GNAL: variants seen among roughly 807,000 people sequenced by gnomAD.
The protein encoded by GNAL is G protein subunit alpha L.
Under a neutral mutation model 55.1 loss-of-function variants are expected in GNAL, and 18 were observed. The observed-to-expected ratio is 0.33, with a 90% CI of 0.23 to 0.48. GNAL has a LOEUF of 0.48. Among genes scored for constraint, GNAL ranks in the 20% least tolerant of loss-of-function variants. The probability of loss-of-function intolerance (pLI) is 0.99; values close to 1 mark genes in which losing one functional copy is unlikely to be tolerated. For missense variants in GNAL, 412 were observed against 614.1 expected (o/e 0.67, Z 3.48); for synonymous variants, 253 against 237.0 (o/e 1.07, Z -0.62).
chr18:11,728,371 T>C (rs193167755), intron 1 of GNAL, among the ~76,000 whole-genome samples: 2 of 152,284 alleles, frequency 1.3e-5, no homozygotes, highest in Non-Finnish European at 2.9e-5. Context: ...GCAAAAGTTA[T>C]TTACTTTTGG....
rs1449197963 is a variant in GNAL at position 11,884,278 on chromosome 18, A to C, written c.*3143A>C. On this transcript the variant is annotated 3_prime_UTR_variant, in exon 12 of 12. Coordinates refer to ENST00000334049, the MANE Select transcript of GNAL (RefSeq NM_182978.4). ...CTGTCCACTTTTATAGCATGAGAAC[A>C]GTACAATCAACTATTTATTTTGCAG... The C allele has an allele frequency of 4.6e-6, 3 of 655,230 alleles. No individual in the cohort carries two copies. The highest frequency in any genetic ancestry group is 5.5e-5 in the Admixed American group (2 of 36,360). 40.6% of individuals were successfully genotyped at this position (655,230 alleles called of 1,614,324 possible). A position where few individuals can be genotyped will look rare whatever the true frequency, so the allele number is the denominator to read the frequency against.
intron 1 of GNAL, among the ~76,000 whole-genome samples, chr18:11,736,671 C>A (rs556188597): frequency 6.6e-6 from 1 of 152,304 alleles, no homozygotes; most frequent in African/African-American, 2.4e-5. Flanking sequence ...CCCATGTCAA[C>A]TGCAGGGTGT....
At chr18:11,826,258 AGGGGGAAGGAAGAGGAGGAGGAGGAG>A (rs2035241589) in intron 5 of GNAL, among the ~76,000 whole-genome samples, 2 of 131,154 alleles carry the variant, frequency 1.5e-5, no homozygotes, top group South Asian at 2.6e-4. Flanking sequence ...AGGAGCGGGG[AGGGGGAAGGAAGAGGAGGAGGAGGAG>A]CGGGGAGGGG....
intron 5 of GNAL, among the ~76,000 whole-genome samples, chr18:11,838,530 A>G (rs1443375129): frequency 6.6e-6 from 1 of 152,190 alleles, no homozygotes; most frequent in Non-Finnish European, 1.5e-5. Context: ...GTGCATCTTA[A>G]TCAAGACTCC....
chr18:11,817,484 G>C (rs2034985393), intron 4 of GNAL, among the ~76,000 whole-genome samples: 1 of 152,230 alleles, frequency 6.6e-6, no homozygotes, highest in Non-Finnish European at 1.5e-5. Context: ...ACCTCATGCA[G>C]TTGCTTAGTT....
At chr18:11,853,207 T>C (rs758620666) in intron 5 of GNAL, 14 of 167,120 alleles carry the variant, frequency 8.4e-5, no homozygotes, top group Non-Finnish European at 2.1e-4. Flanking sequence ...AATGTTTTAC[T>C]TAGCCATGCA....
intron 5 of GNAL, among the ~76,000 whole-genome samples, chr18:11,831,529 G>A (rs2035383445): frequency 1.3e-5 from 2 of 152,312 alleles, no homozygotes; most frequent in African/African-American, 2.4e-5. Flanking sequence ...TGCAAGGAAT[G>A]GAAACTTACC....
chr18:11,883,159 G>A lies in GNAL; in HGVS notation c.*2024G>A, dbSNP rs1414737844. On this transcript the variant is annotated 3_prime_UTR_variant, in exon 12 of 12. Transcript: ENST00000334049. ...GATTTAAATGCTACTTTTTCATGAA[G>A]AAAGGATAACTTTATAGACAGTCAG... 7.5e-6 allele frequency: 1 copy of A among 133,448 alleles called. No homozygotes were observed. The highest frequency in any genetic ancestry group is 3.5e-5 in the African/African-American group (1 of 28,662). The allele number at this position is 133,448 out of a possible 1,614,324, so 8.3% of individuals were successfully genotyped here.
chr18:11,732,600 G>C (rs1210164057), intron 1 of GNAL, among the ~76,000 whole-genome samples: 1 of 151,486 alleles, frequency 6.6e-6, no homozygotes, highest in African/African-American at 2.5e-5. Flanking sequence ...TGTTCAAAAA[G>C]GAATAGTGTC....
intron 5 of GNAL, among the ~76,000 whole-genome samples, chr18:11,832,776 C>G (rs758562238): frequency 1.6e-4 from 24 of 151,936 alleles, no homozygotes; most frequent in Non-Finnish European, 3.4e-4. Context: ...AGGAGAATTG[C>G]TTGAACCCGG....
intron 4 of GNAL, among the ~76,000 whole-genome samples, chr18:11,771,954 C>A (rs1204932068): frequency 6.6e-6 from 1 of 152,054 alleles, no homozygotes; most frequent in East Asian, 1.9e-4. Flanking sequence ...CTCCTGACCT[C>A]AGGTGATCTA....
intron 1 of GNAL, among the ~76,000 whole-genome samples, chr18:11,736,059 A>G (rs1000512401): frequency 6.6e-6 from 1 of 152,156 alleles, no homozygotes; most frequent in African/African-American, 2.4e-5. Flanking sequence ...ACATCTCCAA[A>G]TCTAGTCTAT....
chr18:11,799,510 T>G (rs910520880), intron 4 of GNAL, among the ~76,000 whole-genome samples: 7 of 152,182 alleles, frequency 4.6e-5, no homozygotes, highest in African/African-American at 1.7e-4. Flanking sequence ...TGCTATCAGC[T>G]GACACACCCA....
intron 4 of GNAL, among the ~76,000 whole-genome samples, chr18:11,780,811 A>G (rs1289961692): frequency 1.3e-5 from 2 of 152,218 alleles, no homozygotes; most frequent in Non-Finnish European, 2.9e-5. Context: ...CTGTTGACCA[A>G]GTTCAAATAC....
chr18:11,698,219 G>A (rs932535682), intron 1 of GNAL, among the ~76,000 whole-genome samples: 42 of 152,200 alleles, frequency 2.8e-4, no homozygotes, highest in Admixed American at 7.8e-4. Context: ...GAGGCTGGGC[G>A]CGGTGGCTCA....
At chr18:11,818,162 G>A (rs1260492172) in intron 4 of GNAL, among the ~76,000 whole-genome samples, 1 of 152,038 alleles carries the variant, frequency 6.6e-6, no homozygotes, top group South Asian at 2.1e-4. Flanking sequence ...GAACCCAGGA[G>A]GCAGAGGAGA....
intron 4 of GNAL, among the ~76,000 whole-genome samples, chr18:11,761,800 G>A (rs533255159): frequency 1.3e-5 from 2 of 152,348 alleles, no homozygotes; most frequent in South Asian, 4.1e-4. Context: ...ACCCCTCACA[G>A]GGAGATCATG....
intron 5 of GNAL, among the ~76,000 whole-genome samples, chr18:11,860,882 A>G (rs2036117073): frequency 6.6e-6 from 1 of 152,188 alleles, no homozygotes; most frequent in Non-Finnish European, 1.5e-5. Flanking sequence ...CCAGCCAGCC[A>G]GCCTTGCAGC....
chr18:11,858,139 C>A (rs950458564), intron 5 of GNAL, among the ~76,000 whole-genome samples: 21 of 151,970 alleles, frequency 1.4e-4, no homozygotes, highest in Admixed American at 6.6e-5. Context: ...TTGACGCCAA[C>A]AACAGATGGG....
Sources: gnomAD v4.1 joint callset for allele counts (sites outside exome capture counted in the v4.1 genomes callset) on GRCh38, gnomAD v4.1.1 for gene constraint, MANE v1.5 for transcripts, NCBI Gene and HGNC (gene_info 2026-07-23, HGNC 2026-07-21) for gene names.